Variants in CAPN10 observed in about 807,000 individuals in gnomAD.
CAPN10 encodes calpain 10, also known as calpain-10.
Under a neutral mutation model 78.4 loss-of-function variants are expected in CAPN10, and 71 were observed. The observed-to-expected ratio is 0.91, with a 90% CI of 0.75 to 1.10. The LOEUF is 1.10. CAPN10 is among the 50% of genes least tolerant of loss of function. The pLI is 0.00. For missense variants in CAPN10, 849 were observed against 924.6 expected, an observed-to-expected ratio of 0.92 and a Z score of 1.06; for synonymous variants, 437 against 407.2, an observed-to-expected ratio of 1.07 and a Z score of -0.88.
chr2:240,596,327 G>A lies in CAPN10; in HGVS notation c.1287G>A (p.Lys429=), dbSNP rs1559426710. 12 of 1,598,838 alleles carry A rather than the reference G, an allele frequency of 7.5e-6. No homozygotes were observed. The Middle Eastern group carries it at 8.3e-4, about 111-fold the overall frequency. The change falls in exon 8 of 12, where the codon AAG becomes AAA. Residue 429 remains lysine (K), a synonymous_variant. Coordinates refer to ENST00000391984, the MANE Select transcript of CAPN10 (RefSeq NM_023083.4). The stretch of plus-strand genomic sequence containing the variant: ...CCTGCACGTGCTCACAGGTAGAGAA[G>A]CGGCGGGTCAATCTGCCTAGGGTCC... ...AVGLHLWKVE[K]RRVNLPRVLS... is the part of the protein sequence containing the mutation.
chr2:240,593,564 C>T (rs2093116685), intron 4 of CAPN10, among the ~76,000 whole-genome samples: 1 of 152,238 alleles, frequency 6.6e-6, no homozygotes, highest in Non-Finnish European at 1.5e-5. Context: ...GCAGATGCAT[C>T]TGTGCAGCAT....
Position 240,596,742 on chromosome 2 carries a change from G to A in CAPN10, c.1543G>A (p.Gly515Arg), listed in dbSNP as rs2093139394. The change falls in exon 9 of 12, where the codon GGG (glycine) becomes AGG (arginine). Residue 515 changes from glycine to arginine, a missense_variant. By Grantham distance (125) the Gly-to-Arg change is moderately radical (BLOSUM62 -2). Coordinates refer to ENST00000391984, the MANE Select transcript of CAPN10 (RefSeq NM_023083.4). ...GGCAGCCCTGCCTGCGGGGGAGTGG[G>A]GGACCGTGCAGCTACGGGGTTCTTG... ...PGAALPAGEW[G>R]TVQLRGSWRV... 1.9e-6 allele frequency: 3 copies of A among 1,601,294 alleles called. No homozygotes were observed. In the South Asian group the frequency reaches 3.4e-5, roughly 18 times the overall value.
chr2:240,590,639 C>T (rs762377714), intron 2 of CAPN10, 176 bp from the exon 3 acceptor site: 73 of 587,732 alleles, frequency 1.2e-4, no homozygotes, highest in Admixed American at 3.0e-4. Flanking sequence ...GAGTTCTCTG[C>T]GACATCCAGG....
rs763631574 is a variant in CAPN10, at chr2:240,598,635, C to A, written c.1990-16C>A. 1 of 1,573,892 alleles carries A rather than the reference C, an allele frequency of 6.4e-7. No homozygotes were observed. The highest frequency in any genetic ancestry group is 1.3e-5 in the African/African-American group (1 of 74,614). ...CGAGTGCCACCGCTGCCCGGGCCCC[C>A]CATCTGTCTTTGCAGGTCTCCATCA... On this transcript the variant is annotated splice_polypyrimidine_tract_variant and intron_variant, in intron 11 of 11. Coordinates refer to ENST00000391984, the MANE Select transcript of CAPN10 (RefSeq NM_023083.4).
Position 240,598,673 on chromosome 2 carries a change from A to C in CAPN10, c.2012A>C (p.Lys671Thr), listed in dbSNP as rs1290693222. ...CAGGTCTCCATCATGGCAGTGATGA[A>C]AACCTAACAGGGTGGCCCCCTGTGC... ...LQEVSIMAVM[K>T]T Residue 671 changes from lysine (K) to threonine (T), a missense_variant, in exon 12 of 12, where the codon AAA (lysine) becomes ACA (threonine). Transcript: ENST00000391984. The C allele has an allele frequency of 6.3e-7, 1 of 1,577,222 alleles. No individual in the cohort carries two copies. The highest frequency in any genetic ancestry group is 8.6e-7 in the Non-Finnish European group (1 of 1,162,118).
At chr2:240,589,662 G>T (rs12620571) in intron 2 of CAPN10, 188 bp downstream of exon 2, 9 of 757,438 alleles carry the variant, frequency 1.2e-5, no homozygotes, top group South Asian at 1.9e-5. Context: ...TGCTGCAGGG[G>T]GGGGTGCCTT....
At chr2:240,595,364 G>C in intron 7 of CAPN10, 60 bp downstream of exon 7, 1 of 1,565,016 alleles carries the variant, frequency 6.4e-7, no homozygotes, top group Non-Finnish European at 8.7e-7. Context: ...GCCCATGGAG[G>C]TCTGGGTTCT....
intron 7 of CAPN10, chr2:240,595,818 T>C: frequency 1.6e-6 from 1 of 637,404 alleles, no homozygotes; most frequent in Non-Finnish European, 2.6e-6. Context: ...TCACAAAGTG[T>C]GTTGTTTCCA....
intron 11 of CAPN10, 119 bp from the exon 12 acceptor site, chr2:240,598,532 G>A: frequency 6.9e-7 from 1 of 1,441,384 alleles, no homozygotes; most frequent in Non-Finnish European, 9.6e-7. Flanking sequence ...AGAGCCCCGG[G>A]CGGTGCCTTG....
intron 4 of CAPN10, chr2:240,592,381 G>A (rs1054659716): frequency 1.3e-4 from 91 of 695,036 alleles, no homozygotes; most frequent in Non-Finnish European, 2.3e-4. Flanking sequence ...CCACTAGTGC[G>A]AGGCAGGAAG....
At position 240,586,935 on chromosome 2, in the gene CAPN10, G is replaced by C. The variant is rs917341247; in HGVS notation, c.24G>C (p.Thr8=). 3.4e-6 allele frequency: 5 copies of C among 1,451,494 alleles called. No individual in the cohort carries two copies. In the Admixed American group the frequency reaches 8.1e-5, roughly 24 times the overall value. The allele number at this position is 1,451,494 out of a possible 1,614,324, so 89.9% of individuals were successfully genotyped here. A position where few individuals can be genotyped will look rare whatever the true frequency, so the allele number is the denominator to read the frequency against. The change falls in exon 1 of 12, where the codon ACG becomes ACC. Residue 8 remains threonine (T), a synonymous_variant. Coordinates refer to ENST00000391984, the MANE Select transcript of CAPN10 (RefSeq NM_023083.4). Reference sequence around the variant, plus strand: ...GGATGCGGGCGGGCCGGGGCGCGACGCCGGCGAGGGAGCTGTTCCGGGACG... The same window carrying C: ...GGATGCGGGCGGGCCGGGGCGCGACCCCGGCGAGGGAGCTGTTCCGGGACG... MRAGRGA[T]PARELFRDAA...
intron 2 of CAPN10, chr2:240,589,729 C>A: frequency 2.2e-6 from 1 of 461,482 alleles, no homozygotes; most frequent in Admixed American, 3.9e-5. Context: ...TCTCCTGACC[C>A]CCGGACTCCA....
chr2:240,593,886 C>T lies in CAPN10; in HGVS notation c.689-20C>T. ...TCCATGGTGCCCTTCCTGCCTGTGC[C>T]TGCGCCATTCCTCATGCAGGTGCCC... On this transcript the variant is annotated intron_variant, in intron 4 of 11. Transcript: ENST00000391984. The T allele has an allele frequency of 1.9e-6, 3 of 1,577,774 alleles. No homozygotes were observed. The highest frequency in any genetic ancestry group is 2.6e-6 in the Non-Finnish European group (3 of 1,155,994).
chr2:240,589,651 C>A, intron 2 of CAPN10, 177 bp downstream of exon 2: 1 of 815,390 alleles, frequency 1.2e-6, no homozygotes, highest in Non-Finnish European at 1.9e-6. Context: ...CTCTGTCCCT[C>A]TGCTGCAGGG....
Position 240,594,002 on chromosome 2 carries a change from A to G in CAPN10, c.785A>G (p.Gln262Arg), listed in dbSNP as rs1360265716. ...CAGTGCATCCTGCTGCTGCGGATCC[A>G]GAACCCCTGGGGCCGGCGGTGCTGG... ...AGQCILLLRI[Q>R]NPWGRRCWQG... Residue 262 changes from glutamine (Q) to arginine (R), a missense_variant, in exon 5 of 12, where the codon CAG (glutamine) becomes CGG (arginine). Gln to Arg is a conservative substitution (Grantham distance 43, BLOSUM62 1). Coordinates refer to ENST00000391984, the MANE Select transcript of CAPN10 (RefSeq NM_023083.4). 2 of 1,611,312 alleles carry G rather than the reference A, an allele frequency of 1.2e-6. No homozygotes were observed. The highest frequency in any genetic ancestry group is 1.7e-6 in the Non-Finnish European group (2 of 1,178,326).
At position 240,594,651 on chromosome 2, in the gene CAPN10, C is replaced by A. The variant is rs761909084; in HGVS notation, c.939C>A (p.Asp313Glu). The A allele has an allele frequency of 1.9e-6, 3 of 1,613,892 alleles. No individual in the cohort carries two copies. The Admixed American group carries it at 5.0e-5, about 27-fold the overall frequency. ...AGGAGGAGTTCCTCAGGGAGTTTGA[C>A]GAGCTCACCGTTGGCTACCCGGTCA... ...VEEEEFLREF[D>E]ELTVGYPVTE... is the part of the protein sequence containing the mutation. Residue 313 changes from aspartate (D) to glutamate (E), a missense_variant, in exon 6 of 12, where the codon GAC (aspartate) becomes GAA (glutamate). Physicochemically the swap from Asp to Glu is conservative, Grantham distance 45. Coordinates refer to ENST00000391984, the MANE Select transcript of CAPN10 (RefSeq NM_023083.4).
At position 240,593,939 on chromosome 2, in the gene CAPN10, T is replaced by C. The variant is rs761078239; in HGVS notation, c.722T>C (p.Ile241Thr). The C allele has an allele frequency of 3.1e-6, 5 of 1,607,302 alleles. No individual in the cohort carries two copies. In the Admixed American group the frequency reaches 8.4e-5, roughly 27 times the overall value. ...GAGCTGGGGGAGTTCCATGCCTTCA[T>C]TGTCTCGGACCTGCGGGAGCTCCAG... ...ARELGEFHAFIVSDLRELQGQ... is the reference protein window; with the variant it reads ...ARELGEFHAFTVSDLRELQGQ... The change falls in exon 5 of 12, where the codon ATT (isoleucine) becomes ACT (threonine). Residue 241 changes from isoleucine to threonine, a missense_variant. By Grantham distance (89) the Ile-to-Thr change is moderately conservative. Coordinates refer to ENST00000391984, the MANE Select transcript of CAPN10 (RefSeq NM_023083.4).
Position 240,594,598 on chromosome 2 carries a change from C to T in CAPN10, c.886C>T (p.Leu296Phe), listed in dbSNP as rs1034936226. 54 of 1,613,786 alleles carry T rather than the reference C, an allele frequency of 3.3e-5. No homozygotes were observed. Among genetic ancestry groups the T allele is most frequent in the Non-Finnish European group, 4.3e-5 (51 of 1,179,926 alleles). The change falls in exon 6 of 12, where the codon CTC becomes TTC. Residue 296 changes from leucine (L) to phenylalanine (F), a missense_variant. Leu to Phe is a conservative substitution (Grantham distance 22). Transcript: ENST00000391984. The stretch of plus-strand genomic sequence containing the variant: ...GGTAGCATCTGAGCTCCTGTCCCAG[C>T]TCCAGGAAGGGGAGTTCTGGGTGGA... Reference protein sequence around the residue: ...AAVASELLSQLQEGEFWVEEE... With the variant: ...AAVASELLSQFQEGEFWVEEE...
At position 240,586,829 on chromosome 2, in the gene CAPN10, A is replaced by AGGC. The variant is rs2093070757; in HGVS notation, c.-73_-71dup. The AGGC allele has an allele frequency of 1.4e-5, 17 of 1,238,404 alleles. No individual in the cohort carries two copies. The South Asian group carries it at 2.7e-4, about 19-fold the overall frequency. 76.7% of individuals were successfully genotyped at this position (1,238,404 alleles called of 1,614,324 possible). On this transcript the variant is annotated 5_prime_UTR_variant, in exon 1 of 12. Coordinates refer to ENST00000391984, the MANE Select transcript of CAPN10 (RefSeq NM_023083.4). Reference sequence around the variant, plus strand: ...GCGGGGAACGGGCGGGGCGGGCCGGAGGCGGCGGCGGCTGACTCGCCTTCT... The same window carrying AGGC: ...GCGGGGAACGGGCGGGGCGGGCCGGAGGCGGCGGCGGCGGCTGACTCGCCTTCT...
Sources: gnomAD v4.1 joint callset for allele counts (sites outside exome capture counted in the v4.1 genomes callset) on GRCh38, gnomAD v4.1.1 for gene constraint, MANE v1.5 for transcripts, NCBI Gene and HGNC (gene_info 2026-07-23, HGNC 2026-07-21) for gene names.